Variants in NBAS observed in about 807,000 individuals in gnomAD.
NBAS encodes NAG/BC035112 fusion.
In NBAS, 219 loss-of-function variants were observed where a neutral mutation model predicts 302.5. The observed-to-expected ratio is 0.72, with a 90% CI of 0.65 to 0.81. The LOEUF (loss-of-function observed/expected upper bound fraction) is 0.81. Among genes scored for constraint, NBAS ranks in the 30% least tolerant of loss-of-function variants. The probability of loss-of-function intolerance (pLI) is 0.00; values close to 1 mark genes in which losing one functional copy is unlikely to be tolerated. For missense variants in NBAS, 2,932 were observed against 2,841.6 expected (o/e 1.03, Z -0.72); for synonymous variants, 1,118 against 1,021.6 (o/e 1.09, Z -1.80).
the NBAS span, among the ~76,000 whole-genome samples, chr2:15,017,745 T>G: frequency 6.6e-6 from 1 of 152,004 alleles, no homozygotes; most frequent in East Asian, 1.9e-4. Context: ...GAGAGGTTCC[T>G]CAAAAAAATT....
At chr2:15,355,125 C>T (rs572773036) in intron 33 of NBAS, among the ~76,000 whole-genome samples, 4 of 152,178 alleles carry the variant, frequency 2.6e-5, no homozygotes, top group South Asian at 4.1e-4. Flanking sequence ...TTTAACAGTA[C>T]ACATGTGAAA....
intron 48 of NBAS, among the ~76,000 whole-genome samples, chr2:15,206,089 T>C (rs1234420842): frequency 6.6e-6 from 1 of 152,182 alleles, no homozygotes; most frequent in African/African-American, 2.4e-5. Context: ...TGAAACTTCC[T>C]AGAGACTTTA....
intron 21 of NBAS, among the ~76,000 whole-genome samples, chr2:15,450,645 C>T (rs1678961932): frequency 6.6e-6 from 1 of 152,048 alleles, no homozygotes; most frequent in South Asian, 2.1e-4. Flanking sequence ...AAATATAATT[C>T]CTTTATATGG....
the NBAS span, among the ~76,000 whole-genome samples, chr2:14,861,781 A>T: frequency 2.5e-4 from 25 of 100,454 alleles, no homozygotes; most frequent in African/African-American, 1.7e-3. Context: ...TATCAGCGTC[A>T]CTCTCTCTCC....
chr2:15,560,514 T>C (rs1235083276), intron 1 of NBAS, among the ~76,000 whole-genome samples: 1 of 151,928 alleles, frequency 6.6e-6, no homozygotes, highest in Non-Finnish European at 1.5e-5. Flanking sequence ...CTGTCTCCCC[T>C]CTAGACGAGA....
chr2:14,797,943 G>C, the NBAS span, among the ~76,000 whole-genome samples: 1 of 152,134 alleles, frequency 6.6e-6, no homozygotes, highest in African/African-American at 2.4e-5. Flanking sequence ...TTTGTATACT[G>C]ACCTCATATC....
At chr2:15,420,258 A>C (rs576466836) in intron 23 of NBAS, among the ~76,000 whole-genome samples, 1 of 152,334 alleles carries the variant, frequency 6.6e-6, no homozygotes, top group African/African-American at 2.4e-5. Flanking sequence ...AGAAAGAAGC[A>C]GTGAATAATG....
chr2:14,809,999 T>TG, the NBAS span, among the ~76,000 whole-genome samples: 1 of 152,272 alleles, frequency 6.6e-6, no homozygotes, highest in Non-Finnish European at 1.5e-5. Context: ...CCCTTTGTTT[T>TG]GGCCAATTTC....
the NBAS span, among the ~76,000 whole-genome samples, chr2:14,884,612 C>T: frequency 7.2e-5 from 11 of 152,144 alleles, no homozygotes; most frequent in Admixed American, 1.3e-4. Flanking sequence ...TATTCACTAC[C>T]TACTATGTGC....
At chr2:14,879,566 T>C in the NBAS span, among the ~76,000 whole-genome samples, 2 of 152,134 alleles carry the variant, frequency 1.3e-5, no homozygotes, top group Non-Finnish European at 2.9e-5. Context: ...TACAAATCTG[T>C]TTACCAAGAT....
intron 11 of NBAS, among the ~76,000 whole-genome samples, chr2:15,500,490 A>AT (rs1339250908): frequency 2.1e-5 from 3 of 144,136 alleles, no homozygotes; most frequent in Non-Finnish European, 3.0e-5. Flanking sequence ...ACACCATTAT[A>AT]TTTTAGAAGT....
chr2:15,541,701 A>AT, intron 6 of NBAS, among the ~76,000 whole-genome samples: 1 of 151,712 alleles, frequency 6.6e-6, no homozygotes, highest in Non-Finnish European at 1.5e-5. Flanking sequence ...TAAAAAATCA[A>AT]TTCCCTGTCT....
At chr2:14,930,995 G>T in the NBAS span, among the ~76,000 whole-genome samples, 2 of 152,238 alleles carry the variant, frequency 1.3e-5, no homozygotes, top group Admixed American at 1.3e-4. Context: ...AATAAGACCA[G>T]TGGCTGATAC....
the NBAS span, among the ~76,000 whole-genome samples, chr2:14,792,570 G>A: frequency 6.6e-6 from 1 of 151,960 alleles, no homozygotes; most frequent in East Asian, 1.9e-4. Context: ...TCTGCATCAT[G>A]GTAGGAAGGA....
the NBAS span, among the ~76,000 whole-genome samples, chr2:14,882,631 T>C: frequency 6.6e-6 from 1 of 152,150 alleles, no homozygotes; most frequent in Non-Finnish European, 1.5e-5. Context: ...TCCACATGGG[T>C]TCTGCATAAG....
the NBAS span, among the ~76,000 whole-genome samples, chr2:15,145,032 T>C: frequency 2.6e-5 from 4 of 152,256 alleles, no homozygotes; most frequent in African/African-American, 9.6e-5. Flanking sequence ...AATCCTCCTG[T>C]AGTAAAACAG....
At chr2:15,368,959 C>T (rs150379376) in intron 31 of NBAS, among the ~76,000 whole-genome samples, 97 of 152,236 alleles carry the variant, frequency 6.4e-4, no homozygotes, top group African/African-American at 2.3e-3. Flanking sequence ...ACAGCACAAT[C>T]GTAAAAACTC....
intron 51 of NBAS, among the ~76,000 whole-genome samples, chr2:15,173,812 C>T (rs922111814): frequency 6.6e-6 from 1 of 152,210 alleles, no homozygotes; most frequent in Admixed American, 6.5e-5. Flanking sequence ...GTTCCACACG[C>T]TGTACCTACC....
chr2:15,556,201 G>A (rs1013486453), intron 3 of NBAS, among the ~76,000 whole-genome samples: 3 of 152,114 alleles, frequency 2.0e-5, no homozygotes, highest in Non-Finnish European at 1.5e-5. Flanking sequence ...GGAACTTTAC[G>A]ACAAGATATC....
Sources: allele counts gnomAD v4.1 joint callset (sites outside exome capture counted in the v4.1 genomes callset), GRCh38; gene constraint gnomAD v4.1.1; transcripts MANE v1.5; gene names NCBI Gene and HGNC (gene_info 2026-07-23, HGNC 2026-07-21).